ROBO1: variants seen among roughly 807,000 people sequenced by gnomAD.
ROBO1 encodes roundabout homolog 1.
Under a neutral mutation model 195.9 loss-of-function variants are expected in ROBO1, and 149 were observed. The observed-to-expected ratio is 0.76, with a 90% CI of 0.67 to 0.87. The LOEUF is 0.87. ROBO1 is among the 40% of genes least tolerant of loss of function. ROBO1 has a pLI of 0.00. For synonymous variants in ROBO1, 816 were observed against 733.2 expected, an observed-to-expected ratio of 1.11 and a Z score of -1.82; for missense variants, 1,933 against 2,068.3, an observed-to-expected ratio of 0.93 and a Z score of 1.27.
intron 3 of ROBO1, among the ~76,000 whole-genome samples, chr3:78,989,612 T>C (rs2077189612): frequency 6.6e-6 from 1 of 152,128 alleles, no homozygotes. Flanking sequence ...AGACGCTGTC[T>C]GAAAAAAATA....
chr3:79,555,216 T>C (rs187908781), intron 2 of ROBO1, among the ~76,000 whole-genome samples: 2 of 152,228 alleles, frequency 1.3e-5, no homozygotes, highest in East Asian at 3.9e-4. Flanking sequence ...ATATTTGAGA[T>C]TGCCACTCAT....
intron 4 of ROBO1, among the ~76,000 whole-genome samples, chr3:78,781,097 A>G (rs906164073): frequency 2.0e-5 from 3 of 152,188 alleles, no homozygotes; most frequent in African/African-American, 4.8e-5. Flanking sequence ...TTTCAGCAAT[A>G]TCACTACTCT....
chr3:79,187,041 A>G (rs1435675502), intron 2 of ROBO1, among the ~76,000 whole-genome samples: 1 of 152,114 alleles, frequency 6.6e-6, no homozygotes, highest in African/African-American at 2.4e-5. Flanking sequence ...GATAATTCAC[A>G]TCAGCATTCT....
intron 2 of ROBO1, among the ~76,000 whole-genome samples, chr3:79,383,843 T>C (rs1199964806): frequency 2.6e-5 from 4 of 152,064 alleles, no homozygotes; most frequent in Non-Finnish European, 5.9e-5. Flanking sequence ...CCTTTAACTG[T>C]GAACTGAGCT....
At chr3:79,380,597 A>G (rs910549143) in intron 2 of ROBO1, among the ~76,000 whole-genome samples, 10 of 152,226 alleles carry the variant, frequency 6.6e-5, no homozygotes, top group Admixed American at 5.9e-4. Context: ...TTATTTTAAT[A>G]TGGTAGATTA....
chr3:79,623,348 T>C (rs555279639), intron 1 of ROBO1, among the ~76,000 whole-genome samples: 4 of 152,152 alleles, frequency 2.6e-5, no homozygotes, highest in Non-Finnish European at 1.5e-5. Context: ...GAGGATCAGA[T>C]GGATGATTTG....
At chr3:79,447,589 A>T (rs1328678256) in intron 2 of ROBO1, among the ~76,000 whole-genome samples, 1 of 152,176 alleles carries the variant, frequency 6.6e-6, no homozygotes, top group African/African-American at 2.4e-5. Context: ...AAATCTAGGT[A>T]ATTAAAGACT....
chr3:79,156,353 A>G (rs1199322278), intron 2 of ROBO1, among the ~76,000 whole-genome samples: 1 of 151,616 alleles, frequency 6.6e-6, no homozygotes, highest in African/African-American at 2.4e-5. Context: ...GTTTTTGGTA[A>G]GTATTTATTG....
At chr3:78,882,969 C>T (rs1464204277) in intron 4 of ROBO1, among the ~76,000 whole-genome samples, 1 of 151,858 alleles carries the variant, frequency 6.6e-6, no homozygotes, top group Non-Finnish European at 1.5e-5. Context: ...TACGCCACCA[C>T]ACCAGGCTAA....
At chr3:79,752,036 T>C (rs976954933) in intron 1 of ROBO1, among the ~76,000 whole-genome samples, 9 of 152,086 alleles carry the variant, frequency 5.9e-5, no homozygotes, top group African/African-American at 2.2e-4. Context: ...TCCCTTATAG[T>C]AGGGTATTTT....
At chr3:78,755,418 G>A (rs1469041749) in intron 4 of ROBO1, among the ~76,000 whole-genome samples, 3 of 152,142 alleles carry the variant, frequency 2.0e-5, no homozygotes. Flanking sequence ...AGGCCACTTT[G>A]AGACATGATT....
chr3:78,652,142 A>G (rs1706703585), intron 18 of ROBO1, among the ~76,000 whole-genome samples: 1 of 152,156 alleles, frequency 6.6e-6, no homozygotes, highest in Non-Finnish European at 1.5e-5. Flanking sequence ...AAGTGTGACA[A>G]TTGTATAGAA....
chr3:78,651,693 A>G (rs1293829954), intron 19 of ROBO1, 39 bp downstream of exon 19: 2 of 1,438,572 alleles, frequency 1.4e-6, no homozygotes, highest in East Asian at 4.9e-5. Context: ...CAAGAGTTTT[A>G]TAAACATTAA....
At chr3:79,283,733 T>A (rs1261853220) in intron 2 of ROBO1, among the ~76,000 whole-genome samples, 1 of 150,958 alleles carries the variant, frequency 6.6e-6, no homozygotes, top group Non-Finnish European at 1.5e-5. Flanking sequence ...AGTCTCGCTC[T>A]GTCGCCCAGG....
chr3:79,610,078 T>C (rs1469340809), intron 1 of ROBO1, among the ~76,000 whole-genome samples: 1 of 151,952 alleles, frequency 6.6e-6, no homozygotes, highest in Non-Finnish European at 1.5e-5. Flanking sequence ...TATATTTGAA[T>C]AGTTTATTGA....
intron 1 of ROBO1, among the ~76,000 whole-genome samples, chr3:79,659,101 G>A (rs570331945): frequency 9.2e-5 from 14 of 152,070 alleles, no homozygotes; most frequent in Admixed American, 3.9e-4. Flanking sequence ...TTACATCTAC[G>A]TATCATAATA....
At chr3:79,166,522 A>G (rs2081066049) in intron 2 of ROBO1, among the ~76,000 whole-genome samples, 1 of 151,436 alleles carries the variant, frequency 6.6e-6, no homozygotes, top group Non-Finnish European at 1.5e-5. Context: ...TCCCACTAGA[A>G]TGTAAGTTGC....
At chr3:78,725,818 C>T (rs1404537978) in intron 5 of ROBO1, among the ~76,000 whole-genome samples, 1 of 151,992 alleles carries the variant, frequency 6.6e-6, no homozygotes, top group Non-Finnish European at 1.5e-5. Context: ...CACAGCTTAC[C>T]CTGAAATCAG....
intron 8 of ROBO1, among the ~76,000 whole-genome samples, chr3:78,706,885 T>G (rs766485396): frequency 9.2e-5 from 14 of 151,930 alleles, no homozygotes; most frequent in Non-Finnish European, 1.9e-4. Context: ...GGATAAAGAG[T>G]AAAGCTGTCG....
Sources: allele counts gnomAD v4.1 joint callset (sites outside exome capture counted in the v4.1 genomes callset), GRCh38; gene constraint gnomAD v4.1.1; transcripts MANE v1.5; gene names NCBI Gene and HGNC (gene_info 2026-07-23, HGNC 2026-07-21).